Variants in PLCL1 observed in about 807,000 individuals in gnomAD.
The protein encoded by PLCL1 is inactive phospholipase C-like protein 1.
PLCL1 carries 41 observed loss-of-function variants against 84.4 expected under a neutral mutation model. That is an observed-to-expected ratio of 0.49 (90% CI 0.38 to 0.63). The LOEUF (loss-of-function observed/expected upper bound fraction) is 0.63, where lower values mean the gene tolerates loss of function less well. Ranked by LOEUF, PLCL1 falls within the 30% of genes least tolerant of loss-of-function variation. The pLI, the probability that PLCL1 is intolerant of heterozygous loss-of-function variation, is 0.00. For missense variants in PLCL1, 1,206 were observed against 1,367.8 expected, an observed-to-expected ratio of 0.88 and a Z score of 1.87; for synonymous variants, 490 against 488.3, an observed-to-expected ratio of 1.00 and a Z score of -0.05.
chr2:197,876,182 T>C (rs759350252), intron 1 of PLCL1, among the ~76,000 whole-genome samples: 3 of 152,186 alleles, frequency 2.0e-5, no homozygotes, highest in East Asian at 3.8e-4. Flanking sequence ...CATTGGGTAT[T>C]GTGCCTGCCT....
At chr2:198,072,899 CT>C (rs2105886802) in intron 1 of PLCL1, among the ~76,000 whole-genome samples, 1 of 152,174 alleles carries the variant, frequency 6.6e-6, no homozygotes, top group African/African-American at 2.4e-5. Flanking sequence ...CTATAATTCA[CT>C]TCTCTGGAAT....
At chr2:197,840,520 C>T (rs1686974287) in intron 1 of PLCL1, among the ~76,000 whole-genome samples, 1 of 152,074 alleles carries the variant, frequency 6.6e-6, no homozygotes, top group Non-Finnish European at 1.5e-5. Context: ...AGCTACTTCG[C>T]TTTGTGTGTT....
At chr2:197,807,707 G>A (rs1690512138) in intron 1 of PLCL1, among the ~76,000 whole-genome samples, 1 of 151,942 alleles carries the variant, frequency 6.6e-6, no homozygotes, top group South Asian at 2.1e-4. Flanking sequence ...TTTAAATTTG[G>A]CATTGAAATG....
chr2:198,029,901 T>G (rs988174552), intron 1 of PLCL1, among the ~76,000 whole-genome samples: 1 of 103,966 alleles, frequency 9.6e-6, no homozygotes, highest in Non-Finnish European at 2.2e-5. Flanking sequence ...GGTTTCACCA[T>G]GTTGCCTAGG....
intron 1 of PLCL1, among the ~76,000 whole-genome samples, chr2:197,874,060 T>C (rs1178842181): frequency 6.6e-6 from 1 of 152,194 alleles, no homozygotes; most frequent in Non-Finnish European, 1.5e-5. Context: ...CAAAGCAACC[T>C]TATGAAATTT....
At chr2:197,886,425 A>G in intron 1 of PLCL1, among the ~76,000 whole-genome samples, 1 of 34,292 alleles carries the variant, frequency 2.9e-5, no homozygotes, top group Non-Finnish European at 5.9e-5. Context: ...AAAAAAAAAA[A>G]AAAAAAAAAA....
chr2:198,128,930 G>T (rs1168279941), intron 5 of PLCL1, among the ~76,000 whole-genome samples: 3 of 152,102 alleles, frequency 2.0e-5, no homozygotes, highest in African/African-American at 2.4e-5. Context: ...AATTGGATAC[G>T]CTGCATTATA....
At chr2:198,029,581 C>T (rs10184227) in intron 1 of PLCL1, among the ~76,000 whole-genome samples, 73,280 of 151,700 alleles carry the variant, frequency 0.48, 18,044 homozygotes, top group Middle Eastern at 0.63. Context: ...CTGATGGCTA[C>T]GCTTGGCATC....
intron 1 of PLCL1, among the ~76,000 whole-genome samples, chr2:197,983,200 C>CTTTTTTTCTTTTT (rs1690150482): frequency 1.0e-4 from 6 of 60,256 alleles, no homozygotes; most frequent in African/African-American, 3.9e-4. Context: ...CTTTTCTTTT[C>CTTTTTTTCTTTTT]TTTTTTTTTT....
chr2:197,957,530 T>C (rs1309785223), intron 1 of PLCL1, among the ~76,000 whole-genome samples: 2 of 152,098 alleles, frequency 1.3e-5, no homozygotes, highest in South Asian at 2.1e-4. Flanking sequence ...CATGTAGATA[T>C]GTTAGTCTGA....
intron 1 of PLCL1, among the ~76,000 whole-genome samples, chr2:197,912,013 A>T (rs1333862500): frequency 6.6e-6 from 1 of 152,098 alleles, no homozygotes; most frequent in Non-Finnish European, 1.5e-5. Context: ...GTCCCTTTAG[A>T]CCTCCTTAAA....
chr2:198,027,904 G>T (rs915648583), intron 1 of PLCL1, among the ~76,000 whole-genome samples: 2 of 152,070 alleles, frequency 1.3e-5, no homozygotes, highest in Non-Finnish European at 2.9e-5. Context: ...GCAAATCATA[G>T]CTCACTGCAG....
At chr2:198,088,106 A>C (rs1247317073) in intron 2 of PLCL1, among the ~76,000 whole-genome samples, 5 of 152,214 alleles carry the variant, frequency 3.3e-5, no homozygotes, top group Non-Finnish European at 7.3e-5. Flanking sequence ...ATAATCTTGA[A>C]ATATGTACTT....
chr2:198,136,970 T>A (rs1248482300), intron 5 of PLCL1, among the ~76,000 whole-genome samples: 1 of 152,108 alleles, frequency 6.6e-6, no homozygotes, highest in East Asian at 1.9e-4. Flanking sequence ...AAGTTAGAAA[T>A]CAAAATATCA....
chr2:198,106,778 C>G (rs977508325), intron 5 of PLCL1, among the ~76,000 whole-genome samples: 3 of 151,858 alleles, frequency 2.0e-5, no homozygotes, highest in Non-Finnish European at 4.4e-5. Context: ...TTCCTTGCCA[C>G]AACAGTGCAA....
chr2:198,083,642 G>A, intron 1 of PLCL1, 116 bp from the exon 2 acceptor site: 2 of 634,694 alleles, frequency 3.2e-6, no homozygotes, highest in South Asian at 5.1e-5. Flanking sequence ...CTTTAGGGTA[G>A]CCTCTGTTCA....
intron 1 of PLCL1, among the ~76,000 whole-genome samples, chr2:197,830,853 G>GTGAGGGC (rs1351191873): frequency 6.6e-6 from 1 of 152,220 alleles, no homozygotes; most frequent in African/African-American, 2.4e-5. Context: ...CCAGAAGAGA[G>GTGAGGGC]TGAGGGCTGA....
intron 1 of PLCL1, among the ~76,000 whole-genome samples, chr2:197,941,136 C>T (rs1689151190): frequency 6.6e-6 from 1 of 152,228 alleles, no homozygotes; most frequent in East Asian, 1.9e-4. Flanking sequence ...AGTTTAGATA[C>T]CTTGTTTAAA....
At chr2:198,005,131 T>C (rs763180949) in intron 1 of PLCL1, among the ~76,000 whole-genome samples, 1 of 152,242 alleles carries the variant, frequency 6.6e-6, no homozygotes, top group Non-Finnish European at 1.5e-5. Flanking sequence ...CCTTCCACCC[T>C]CGCTCCCTCA....
Sources: gnomAD v4.1 joint callset for allele counts (sites outside exome capture counted in the v4.1 genomes callset) on GRCh38, gnomAD v4.1.1 for gene constraint, MANE v1.5 for transcripts, NCBI Gene and HGNC (gene_info 2026-07-23, HGNC 2026-07-21) for gene names.